The following CHD9 variants were observed in gnomAD, a reference collection of about 807,000 sequenced individuals.
The protein encoded by CHD9 is ATP-dependent chromatin remodeler CHD9.
Under a neutral mutation model 316.1 loss-of-function variants are expected in CHD9, and 77 were observed. The observed-to-expected ratio is 0.24, with a 90% confidence interval of 0.20 to 0.29. The LOEUF (loss-of-function observed/expected upper bound fraction) is 0.29, where lower values mean the gene tolerates loss of function less well. Ranked by LOEUF, CHD9 falls within the 10% of genes least tolerant of loss-of-function variation. The pLI is 1.00. For missense variants in CHD9, 2,763 were observed against 3,438.1 expected (o/e 0.80, Z 4.91); for synonymous variants, 1,129 against 1,158.3 (o/e 0.97, Z 0.51).
At chr16:53,230,240 G>A (rs1173988680) in intron 8 of CHD9, among the ~76,000 whole-genome samples, 1 of 152,168 alleles carries the variant, frequency 6.6e-6, no homozygotes, top group Non-Finnish European at 1.5e-5. Context: ...CCCAGTACTG[G>A]TGGTTAATCA....
rs542444224 is a variant in CHD9 at position 53,085,239 on chromosome 16, T to G, written c.-165+30162T>G. On this transcript the variant is annotated intron_variant, in intron 1 of 38. Transcript: ENST00000447540. ...CTGCCTTTGATCATCTTTTTTTTTTTTTTTTTTTTTATTTTTTTTAGAGAT... is the reference window on the plus strand; with the variant it reads ...CTGCCTTTGATCATCTTTTTTTTTTGTTTTTTTTTTATTTTTTTTAGAGAT... Among the ~76,000 whole-genome samples, 9 of 151,836 alleles carry G rather than the reference T, an allele frequency of 5.9e-5. No individual in the cohort carries two copies. The South Asian group carries it at 1.7e-3, about 28-fold the overall frequency.
intron 34 of CHD9, among the ~76,000 whole-genome samples, chr16:53,309,925 C>T (rs967874898): frequency 6.6e-6 from 1 of 152,164 alleles, no homozygotes; most frequent in Admixed American, 6.5e-5. Flanking sequence ...TCCTAAAGTA[C>T]TAGTTGTCAA....
At position 53,300,597 on chromosome 16, in the gene CHD9, C is replaced by CT. The variant is rs1428817954; in HGVS notation, c.5714-3118dup. ...GATTAATGCAAAAATGGCTTGGAGA[C>CT]TTTTTAATGGATAATAAAAACCTAT... On this transcript the variant is annotated intron_variant, in intron 30 of 38. Transcript: ENST00000447540. Among the ~76,000 whole-genome samples, 8 of 152,236 alleles carry CT rather than the reference C, an allele frequency of 5.3e-5. No homozygotes were observed. In the South Asian group the frequency reaches 1.2e-3, roughly 24 times the overall value.
chr16:53,138,678 G>A (rs1218636129), intron 1 of CHD9, among the ~76,000 whole-genome samples: 1 of 152,160 alleles, frequency 6.6e-6, no homozygotes, highest in African/African-American at 2.4e-5. Flanking sequence ...TGTCACTTTG[G>A]TTAGTGATGA....
chr16:53,150,692 T>C (rs2041028893), intron 1 of CHD9, among the ~76,000 whole-genome samples: 1 of 152,238 alleles, frequency 6.6e-6, no homozygotes, highest in Non-Finnish European at 1.5e-5. Flanking sequence ...CTTTAGCTTT[T>C]ATTTATCTGC....
intron 1 of CHD9, among the ~76,000 whole-genome samples, chr16:53,069,944 C>T (rs764628084): frequency 1.3e-5 from 2 of 151,822 alleles, no homozygotes; most frequent in African/African-American, 4.8e-5. Flanking sequence ...TCATAGGTGT[C>T]CTATCCTGGT....
chr16:53,113,569 G>A (rs918000937), intron 1 of CHD9, among the ~76,000 whole-genome samples: 13 of 151,832 alleles, frequency 8.6e-5, no homozygotes, highest in African/African-American at 1.5e-4. Context: ...CCTCAGCCCC[G>A]CAAAGTGCTG....
chr16:53,270,448 T>C (rs1019129570), intron 22 of CHD9, among the ~76,000 whole-genome samples: 2 of 152,170 alleles, frequency 1.3e-5, no homozygotes, highest in Non-Finnish European at 2.9e-5. Flanking sequence ...TAGATACCTC[T>C]GTTAAATTAA....
rs750067940 is a variant in CHD9 at position 53,209,682 on chromosome 16, T to C, written c.1653T>C (p.Pro551=). ...GERNIPRVMS[P]ENFPTASVEG... is the part of the protein sequence containing the mutation. Reference sequence around the variant, plus strand: ...GCAATATTCCACGAGTAATGAGCCCTGAAAACTTTCCTACTGCTTCAGTTG... The same window carrying C: ...GCAATATTCCACGAGTAATGAGCCCCGAAAACTTTCCTACTGCTTCAGTTG... The change falls in exon 3 of 39, where the codon CCT becomes CCC. Residue 551 remains proline (P), a synonymous_variant. Transcript: ENST00000447540. 2 of 1,613,704 alleles carry C rather than the reference T, an allele frequency of 1.2e-6. No individual in the cohort carries two copies. Among genetic ancestry groups the C allele is most frequent in the African/African-American group, 2.7e-5 (2 of 74,872 alleles).
chr16:53,254,421 A>ATTTT lies in CHD9; in HGVS notation c.3862-17_3862-16insTTTT. The ATTTT allele has an allele frequency of 1.2e-5, 18 of 1,521,902 alleles. No individual in the cohort carries two copies. Among genetic ancestry groups the ATTTT allele is most frequent in the Non-Finnish European group, 1.6e-5 (18 of 1,128,230 alleles). The allele number at this position is 1,521,902 out of a possible 1,614,324, so 94.3% of individuals were successfully genotyped here. A position where few individuals can be genotyped will look rare whatever the true frequency, so the allele number is the denominator to read the frequency against. ...TTTTGAGAAACTAATTAAATATGTA[A>ATTTT]CTTTTCATTTTTATAGGCCCAAGCT... On this transcript the variant is annotated splice_polypyrimidine_tract_variant and intron_variant, in intron 17 of 38. Coordinates refer to ENST00000447540, the MANE Select transcript of CHD9 (RefSeq NM_001308319.2).
intron 17 of CHD9, among the ~76,000 whole-genome samples, chr16:53,252,803 A>G (rs552495548): frequency 3.3e-4 from 50 of 152,344 alleles, no homozygotes; most frequent in African/African-American, 8.9e-4. Flanking sequence ...AAAGATGGTC[A>G]ACATCACTAA....
chr16:53,308,589 A>G (rs2056194213), intron 33 of CHD9, 97 bp from the exon 34 acceptor site: 1 of 800,672 alleles, frequency 1.2e-6, no homozygotes, highest in African/African-American at 1.7e-5. Flanking sequence ...CAGGATTTTT[A>G]CTTCATTTTT....
chr16:53,181,203 GT>G (rs2043487989), intron 2 of CHD9, among the ~76,000 whole-genome samples: 1 of 152,046 alleles, frequency 6.6e-6, no homozygotes, highest in Non-Finnish European at 1.5e-5. Flanking sequence ...TAGACATGGC[GT>G]TTCTCCATGT....
At chr16:53,085,687 C>G (rs2035406095) in intron 1 of CHD9, among the ~76,000 whole-genome samples, 1 of 152,160 alleles carries the variant, frequency 6.6e-6, no homozygotes, top group African/African-American at 2.4e-5. Flanking sequence ...CGTGACTTTT[C>G]TTTTTTCTAT....
At chr16:53,193,037 T>C (rs373716187) in intron 2 of CHD9, among the ~76,000 whole-genome samples, 1 of 151,282 alleles carries the variant, frequency 6.6e-6, no homozygotes, top group Non-Finnish European at 1.5e-5. Context: ...GTTGAACTTA[T>C]AAAAAAATAC....
At chr16:53,209,353 T>C (rs1278475397) in intron 2 of CHD9, 129 bp from the exon 3 acceptor site, 5 of 648,504 alleles carry the variant, frequency 7.7e-6, no homozygotes, top group Non-Finnish European at 1.3e-5. Context: ...TTAAATTTGT[T>C]TGTAGCACTC....
chr16:53,131,886 C>G (rs1597088328), intron 1 of CHD9, among the ~76,000 whole-genome samples: 1 of 152,142 alleles, frequency 6.6e-6, no homozygotes, highest in Non-Finnish European at 1.5e-5. Context: ...CCGTCTGCAG[C>G]GTGGCCCGGA....
chr16:53,290,968 T>C (rs1402705962), intron 27 of CHD9, among the ~76,000 whole-genome samples: 3 of 152,126 alleles, frequency 2.0e-5, no homozygotes, highest in African/African-American at 4.8e-5. Flanking sequence ...TATGAAGAGA[T>C]AGCAGCTGAG....
chr16:53,314,962 A>G lies in CHD9; in HGVS notation c.7502A>G (p.Asp2501Gly). 1 of 1,613,880 alleles carries G rather than the reference A, an allele frequency of 6.2e-7. No homozygotes were observed. Among genetic ancestry groups the G allele is most frequent in the Middle Eastern group, 1.7e-4 (1 of 6,058 alleles). ...NLKDGTRLAG[D>G]DAPKRKDLEK... ...AAAGATGGAACGAGACTTGCAGGAG[A>G]TGATGCACCAAAGAGAAAGGATTTG... is the stretch of plus-strand genomic sequence containing the variant. The change falls in exon 36 of 39, where the codon GAT becomes GGT. Residue 2501 changes from aspartate to glycine, a missense_variant. This residue lies in a region of CHD9 where 663 missense variants were observed against 751.2 expected (regional missense o/e 0.88). Coordinates refer to ENST00000447540, the MANE Select transcript of CHD9 (RefSeq NM_001308319.2).
Sources: gnomAD v4.1 joint callset for allele counts (sites outside exome capture counted in the v4.1 genomes callset) on GRCh38, gnomAD v4.1.1 for gene constraint, gnomAD v4.1.1 regional missense constraint, MANE v1.5 for transcripts, NCBI Gene and HGNC (gene_info 2026-07-23, HGNC 2026-07-21) for gene names.